CNTNAP4: variants seen among roughly 807,000 people sequenced by gnomAD.
The protein encoded by CNTNAP4 is contactin associated protein family member 4.
A neutral mutation model predicts 148.4 loss-of-function variants in CNTNAP4; 98 were observed. The observed-to-expected ratio is 0.66, with a 90% CI of 0.56 to 0.78. The LOEUF is 0.78. CNTNAP4 is among the 30% of genes least tolerant of loss of function. CNTNAP4 has a pLI of 0.00. For missense variants in CNTNAP4, 1,935 were observed against 1,565.6 expected, an observed-to-expected ratio of 1.24 and a Z score of -3.98; for synonymous variants, 730 against 565.1, an observed-to-expected ratio of 1.29 and a Z score of -4.14.
chr16:76,430,910 A>G (rs955609315), intron 4 of CNTNAP4, among the ~76,000 whole-genome samples: 3 of 152,208 alleles, frequency 2.0e-5, no homozygotes, highest in African/African-American at 7.2e-5. Flanking sequence ...TGAATCATAC[A>G]TGTATTGAGC....
chr16:76,460,533 G>A (rs1297939591), intron 8 of CNTNAP4, among the ~76,000 whole-genome samples: 1 of 147,872 alleles, frequency 6.8e-6, no homozygotes, highest in South Asian at 2.2e-4. Flanking sequence ...AAGCCGAGGC[G>A]GGTGGATCAC....
chr16:76,388,813 G>T (rs113252998), intron 3 of CNTNAP4, among the ~76,000 whole-genome samples: 9 of 152,218 alleles, frequency 5.9e-5, no homozygotes, highest in African/African-American at 1.7e-4. Flanking sequence ...ACTTTTGTAG[G>T]TCATATAATT....
At chr16:76,328,793 C>A (rs111737131) in intron 2 of CNTNAP4, among the ~76,000 whole-genome samples, 18 of 152,160 alleles carry the variant, frequency 1.2e-4, no homozygotes, top group Middle Eastern at 3.4e-3. Flanking sequence ...CTACAGGCGC[C>A]TGCCACCGCA....
chr16:76,353,747 T>A (rs1406243734), intron 2 of CNTNAP4, among the ~76,000 whole-genome samples: 4 of 152,168 alleles, frequency 2.6e-5, no homozygotes, highest in Admixed American at 6.5e-5. Context: ...CTGCCTGGCG[T>A]CTTCTCTTGT....
intron 3 of CNTNAP4, among the ~76,000 whole-genome samples, chr16:76,398,036 T>TA (rs1446613414): frequency 1.6e-5 from 2 of 128,056 alleles, no homozygotes; most frequent in African/African-American, 5.9e-5. Context: ...CACACAATCA[T>TA]AAGGTGAGGT....
intron 1 of CNTNAP4, among the ~76,000 whole-genome samples, chr16:76,286,883 C>A (rs970777447): frequency 3.3e-5 from 5 of 152,132 alleles, no homozygotes; most frequent in African/African-American, 1.2e-4. Context: ...ATTAAAAGAA[C>A]ATTGCTAAAA....
At chr16:76,447,336 A>G (rs866988161) in intron 4 of CNTNAP4, among the ~76,000 whole-genome samples, 1 of 93,470 alleles carries the variant, frequency 1.1e-5, no homozygotes, top group Non-Finnish European at 2.3e-5. Flanking sequence ...ATATGAAATT[A>G]TGTATATATA....
At chr16:76,415,477 A>G (rs1411008109) in intron 3 of CNTNAP4, among the ~76,000 whole-genome samples, 1 of 151,136 alleles carries the variant, frequency 6.6e-6, no homozygotes, top group Non-Finnish European at 1.5e-5. Flanking sequence ...TATTATTTGA[A>G]TTAGAATTCA....
At chr16:76,428,587 C>CT (rs1390174091) in intron 4 of CNTNAP4, among the ~76,000 whole-genome samples, 2 of 152,068 alleles carry the variant, frequency 1.3e-5, no homozygotes, top group Non-Finnish European at 2.9e-5. Flanking sequence ...TGTCTAAACT[C>CT]TATCCGACAG....
At chr16:76,390,635 C>G (rs1353672108) in intron 3 of CNTNAP4, among the ~76,000 whole-genome samples, 1 of 151,510 alleles carries the variant, frequency 6.6e-6, no homozygotes, top group Non-Finnish European at 1.5e-5. Flanking sequence ...CATTGCATTA[C>G]TGATTCAAAT....
chr16:76,337,024 G>C (rs1001688899), intron 2 of CNTNAP4, among the ~76,000 whole-genome samples: 5 of 152,148 alleles, frequency 3.3e-5, no homozygotes, highest in African/African-American at 4.8e-5. Flanking sequence ...TTATAGCTTG[G>C]TAGGAGATTG....
At chr16:76,317,783 A>T (rs1486230621) in intron 2 of CNTNAP4, among the ~76,000 whole-genome samples, 1 of 152,098 alleles carries the variant, frequency 6.6e-6, no homozygotes, top group Non-Finnish European at 1.5e-5. Flanking sequence ...CATAGTTCTA[A>T]TTACAATATA....
At chr16:76,364,937 GA>G (rs2013926880) in intron 3 of CNTNAP4, among the ~76,000 whole-genome samples, 1 of 152,140 alleles carries the variant, frequency 6.6e-6, no homozygotes, top group Non-Finnish European at 1.5e-5. Context: ...TTTTAGTCAT[GA>G]AGTCTTTGCC....
At chr16:76,539,510 G>T (rs985650981) in intron 19 of CNTNAP4, among the ~76,000 whole-genome samples, 2 of 152,038 alleles carry the variant, frequency 1.3e-5, no homozygotes, top group African/African-American at 4.8e-5. Flanking sequence ...AGGAAAGAGA[G>T]TGCTTGTGTG....
intron 17 of CNTNAP4, among the ~76,000 whole-genome samples, 192 bp downstream of exon 17, chr16:76,522,449 G>A (rs551980967): frequency 1.3e-5 from 2 of 152,158 alleles, no homozygotes; most frequent in Admixed American, 6.5e-5. Flanking sequence ...GGTGTTATCC[G>A]TATTTTACAG....
At chr16:76,440,153 G>A (rs1397047467) in intron 4 of CNTNAP4, among the ~76,000 whole-genome samples, 2 of 152,028 alleles carry the variant, frequency 1.3e-5, no homozygotes, top group African/African-American at 4.8e-5. Context: ...CTTTCCAGTT[G>A]ATGAAATAGC....
At chr16:76,438,934 A>G (rs1433719512) in intron 4 of CNTNAP4, among the ~76,000 whole-genome samples, 1 of 152,230 alleles carries the variant, frequency 6.6e-6, no homozygotes, top group Non-Finnish European at 1.5e-5. Flanking sequence ...GTACATTTGT[A>G]CAATTACAAC....
At chr16:76,449,209 T>C (rs756606432) in intron 6 of CNTNAP4, among the ~76,000 whole-genome samples, 1 of 152,154 alleles carries the variant, frequency 6.6e-6, no homozygotes, top group Non-Finnish European at 1.5e-5. Flanking sequence ...CAGAACATCA[T>C]ATGCAGGAAA....
At chr16:76,464,827 A>G (rs1286487301) in intron 9 of CNTNAP4, among the ~76,000 whole-genome samples, 1 of 152,176 alleles carries the variant, frequency 6.6e-6, no homozygotes, top group East Asian at 1.9e-4. Flanking sequence ...ACCCTCAAAC[A>G]GGTGCTTTTC....
Sources: gnomAD v4.1 joint callset for allele counts (sites outside exome capture counted in the v4.1 genomes callset) on GRCh38, gnomAD v4.1.1 for gene constraint, MANE v1.5 for transcripts, NCBI Gene and HGNC (gene_info 2026-07-23, HGNC 2026-07-21) for gene names.